The following LUZP2 variants were observed in gnomAD, a reference collection of about 807,000 sequenced individuals.
LUZP2 encodes the protein leucine zipper protein 2.
LUZP2 carries 52 observed loss-of-function variants against 51.6 expected under a neutral mutation model. The observed-to-expected ratio is 1.01, with a 90% CI of 0.81 to 1.27. LUZP2 has a LOEUF of 1.27. Among genes scored for constraint, LUZP2 ranks in the 50% most tolerant of loss-of-function variants. The pLI, the probability that LUZP2 is intolerant of heterozygous loss-of-function variation, is 0.00. For synonymous variants in LUZP2, 154 were observed against 137.3 expected, an observed-to-expected ratio of 1.12 and a Z score of -0.85; for missense variants, 436 against 395.4, an observed-to-expected ratio of 1.10 and a Z score of -0.87.
At chr11:24,692,109 T>A (rs2133890705) in intron 1 of LUZP2, among the ~76,000 whole-genome samples, 1 of 152,132 alleles carries the variant, frequency 6.6e-6, no homozygotes, top group African/African-American at 2.4e-5. Flanking sequence ...TTTCTATTCT[T>A]ATTTCTTGAT....
chr11:24,782,394 G>C (rs186849456), intron 5 of LUZP2, among the ~76,000 whole-genome samples: 3 of 151,998 alleles, frequency 2.0e-5, no homozygotes, highest in Non-Finnish European at 4.4e-5. Flanking sequence ...CTATGAGCAG[G>C]AGATAATTTC....
intron 1 of LUZP2, among the ~76,000 whole-genome samples, chr11:24,694,053 C>T (rs1329376225): frequency 2.6e-5 from 4 of 151,756 alleles, no homozygotes; most frequent in African/African-American, 7.3e-5. Flanking sequence ...AATAAAGTGG[C>T]CATAAAATAA....
At chr11:24,888,683 G>A (rs1852748839) in intron 5 of LUZP2, among the ~76,000 whole-genome samples, 1 of 152,048 alleles carries the variant, frequency 6.6e-6, no homozygotes, top group South Asian at 2.1e-4. Flanking sequence ...GATATTGTTA[G>A]GCTTTGTGTC....
rs1382052894 is a variant in LUZP2 at position 25,080,608 on chromosome 11, C to A, written c.*1950C>A. ...ATATTTCTAAAAATAATCATACAAA[C>A]TAGAATACTGCTAGTCTCCCAAGTC... On this transcript the variant is annotated 3_prime_UTR_variant, in exon 12 of 12. Transcript: ENST00000336930. 6.6e-6 allele frequency: 1 copy of A among 152,106 alleles called. No homozygotes were observed. Among genetic ancestry groups the A allele is most frequent in the African/African-American group, 2.4e-5 (1 of 41,394 alleles). The allele number at this position is 152,106 out of a possible 1,614,324, so 9.4% of individuals were successfully genotyped here. A position where few individuals can be genotyped will look rare whatever the true frequency, so the allele number is the denominator to read the frequency against.
At chr11:24,576,412 C>CAA (rs10549188) in intron 1 of LUZP2, among the ~76,000 whole-genome samples, 11 of 75,168 alleles carry the variant, frequency 1.5e-4, no homozygotes, top group African/African-American at 2.0e-4. Flanking sequence ...GACTCCATCT[C>CAA]AAAAAAAAAA....
At chr11:24,707,748 AG>A (rs1857646758) in intron 1 of LUZP2, among the ~76,000 whole-genome samples, 1 of 152,142 alleles carries the variant, frequency 6.6e-6, no homozygotes. Flanking sequence ...AACATTGGTA[AG>A]GGTTGTTATA....
intron 4 of LUZP2, among the ~76,000 whole-genome samples, chr11:24,753,063 T>C (rs928240653): frequency 1.6e-4 from 25 of 152,110 alleles, no homozygotes; most frequent in Non-Finnish European, 2.1e-4. Context: ...AGACACTATA[T>C]ACTCGCAAAC....
chr11:24,501,014 A>C (rs1849975991), intron 1 of LUZP2, among the ~76,000 whole-genome samples: 2 of 152,192 alleles, frequency 1.3e-5, no homozygotes, highest in Admixed American at 6.5e-5. Context: ...TACCCAAATA[A>C]ATTTGATGCA....
At chr11:24,864,530 C>T (rs1851829924) in intron 5 of LUZP2, among the ~76,000 whole-genome samples, 1 of 152,292 alleles carries the variant, frequency 6.6e-6, no homozygotes, top group East Asian at 1.9e-4. Context: ...TTGTTTCTCT[C>T]TTTCCATTGC....
intron 1 of LUZP2, among the ~76,000 whole-genome samples, chr11:24,599,609 A>G (rs564748956): frequency 6.6e-6 from 1 of 152,292 alleles, no homozygotes; most frequent in South Asian, 2.1e-4. Context: ...CTAATGATCA[A>G]TTGACCTTAC....
intron 1 of LUZP2, among the ~76,000 whole-genome samples, chr11:24,677,525 C>G (rs1226623009): frequency 6.6e-6 from 1 of 152,174 alleles, no homozygotes; most frequent in Non-Finnish European, 1.5e-5. Context: ...CTGCTCTTTG[C>G]AAATTAGGCA....
chr11:24,892,173 T>C, intron 5 of LUZP2: 2 of 985,656 alleles, frequency 2.0e-6, no homozygotes, highest in Non-Finnish European at 2.4e-6. Context: ...TGTATCTTTC[T>C]CCTTTTTTAC....
intron 9 of LUZP2, among the ~76,000 whole-genome samples, chr11:25,022,359 C>T (rs1353653359): frequency 6.6e-6 from 1 of 151,990 alleles, no homozygotes; most frequent in African/African-American, 2.4e-5. Context: ...CTGGCCATAT[C>T]ATGCTTACCC....
chr11:24,889,668 T>C (rs550439127), intron 5 of LUZP2, among the ~76,000 whole-genome samples: 11 of 152,286 alleles, frequency 7.2e-5, no homozygotes, highest in South Asian at 2.1e-4. Flanking sequence ...TGCCCCACAG[T>C]TGGCTCAGCT....
chr11:25,024,299 C>A (rs1857421619), intron 9 of LUZP2, among the ~76,000 whole-genome samples: 1 of 151,992 alleles, frequency 6.6e-6, no homozygotes, highest in Admixed American at 6.6e-5. Flanking sequence ...CTGGCCAGGG[C>A]AATCAGGCAA....
chr11:24,547,284 A>G (rs1851583710), intron 1 of LUZP2, among the ~76,000 whole-genome samples: 1 of 152,122 alleles, frequency 6.6e-6, no homozygotes, highest in Non-Finnish European at 1.5e-5. Context: ...AAAAAGAACA[A>G]GCTGGAGGCA....
intron 1 of LUZP2, among the ~76,000 whole-genome samples, chr11:24,534,441 T>C (rs1055893994): frequency 2.1e-5 from 3 of 141,062 alleles, no homozygotes; most frequent in Non-Finnish European, 4.6e-5. Context: ...CATACATTTC[T>C]CTATCTAGAA....
intron 7 of LUZP2, among the ~76,000 whole-genome samples, chr11:24,964,259 C>T (rs1855515514): frequency 1.3e-5 from 2 of 152,116 alleles, no homozygotes; most frequent in Non-Finnish European, 2.9e-5. Flanking sequence ...CATTTACCTG[C>T]TACATGCTGG....
At chr11:24,519,824 C>A (rs993953673) in intron 1 of LUZP2, among the ~76,000 whole-genome samples, 4 of 152,088 alleles carry the variant, frequency 2.6e-5, no homozygotes, top group Non-Finnish European at 4.4e-5. Context: ...AATTTTGCTT[C>A]ATGATTAATT....
Sources: gnomAD v4.1 joint callset for allele counts (sites outside exome capture counted in the v4.1 genomes callset) on GRCh38, gnomAD v4.1.1 for gene constraint, MANE v1.5 for transcripts, NCBI Gene and HGNC (gene_info 2026-07-23, HGNC 2026-07-21) for gene names.